Variants in TRAPPC8 observed in about 807,000 individuals in gnomAD.
TRAPPC8 encodes trafficking protein particle complex subunit 8.
In TRAPPC8, 54 loss-of-function variants were observed where a neutral mutation model predicts 174.3. The ratio of observed to expected loss-of-function variants is 0.31; its 90% CI spans 0.25 to 0.39. TRAPPC8 has a LOEUF of 0.39. Ranked by LOEUF, TRAPPC8 falls within the 10% of genes least tolerant of loss-of-function variation. The pLI, the probability that TRAPPC8 is intolerant of heterozygous loss-of-function variation, is 1.00. For missense variants in TRAPPC8, 1,531 were observed against 1,699.1 expected, an observed-to-expected ratio of 0.90 and a Z score of 1.74; for synonymous variants, 630 against 579.9, an observed-to-expected ratio of 1.09 and a Z score of -1.24.
intron 27 of TRAPPC8, among the ~76,000 whole-genome samples, chr18:31,836,200 C>G (rs1213863404): frequency 6.6e-6 from 1 of 152,172 alleles, no homozygotes. Flanking sequence ...TGAATCAGCC[C>G]AAGCATTGGA....
At chr18:31,915,476 G>A (rs1186548876) in intron 4 of TRAPPC8, among the ~76,000 whole-genome samples, 1 of 129,114 alleles carries the variant, frequency 7.7e-6, no homozygotes, top group Non-Finnish European at 1.7e-5. Context: ...AAAAGGGGGG[G>A]GGGGCGCAGG....
At chr18:31,937,228 A>T (rs1214038989) in intron 1 of TRAPPC8, among the ~76,000 whole-genome samples, 1 of 152,158 alleles carries the variant, frequency 6.6e-6, no homozygotes, top group Non-Finnish European at 1.5e-5. Flanking sequence ...ATAAAAATAA[A>T]GGAAAAGGAA....
intron 2 of TRAPPC8, among the ~76,000 whole-genome samples, chr18:31,930,864 A>G (rs1352607290): frequency 2.6e-5 from 4 of 152,178 alleles, no homozygotes; most frequent in African/African-American, 9.7e-5. Context: ...CCCTATCTCT[A>G]TAAAAATTTA....
At chr18:31,867,791 A>G (rs2034659174) in intron 16 of TRAPPC8, among the ~76,000 whole-genome samples, 1 of 152,122 alleles carries the variant, frequency 6.6e-6, no homozygotes, top group Non-Finnish European at 1.5e-5. Flanking sequence ...AGGCAGGAGA[A>G]CCGCTTGAAC....
chr18:31,910,685 G>GT (rs1045363116), intron 5 of TRAPPC8, among the ~76,000 whole-genome samples: 1 of 152,164 alleles, frequency 6.6e-6, no homozygotes, highest in Non-Finnish European at 1.5e-5. Context: ...GCAGTCATTC[G>GT]TAAGTTTAAA....
intron 19 of TRAPPC8, among the ~76,000 whole-genome samples, chr18:31,863,025 C>T (rs537510232): frequency 2.8e-5 from 4 of 141,126 alleles, no homozygotes; most frequent in African/African-American, 1.1e-4. Context: ...GCACTTCAGC[C>T]TGGGTGACAG....
chr18:31,925,563 G>C (rs1019072914), intron 2 of TRAPPC8, among the ~76,000 whole-genome samples: 1 of 152,156 alleles, frequency 6.6e-6, no homozygotes, highest in African/African-American at 2.4e-5. Context: ...AGAAAGAACA[G>C]AGAGAACAAT....
At position 31,907,485 on chromosome 18, in the gene TRAPPC8, G is replaced by A. The variant is rs1460794988; in HGVS notation, c.1364C>T (p.Ala455Val). ...CAAGGCACCAGCTGCATAAAGCATTGCTTGATCATTAAGAAAATCTTTCTT... is the reference window on the plus strand; with the variant it reads ...CAAGGCACCAGCTGCATAAAGCATTACTTGATCATTAAGAAAATCTTTCTT... ...TAKKDFLNDQAMLYAAGALEM... is the reference protein window; with the variant it reads ...TAKKDFLNDQVMLYAAGALEM... The change falls in exon 9 of 29, where the codon GCA becomes GTA. Residue 455 changes from alanine to valine, a missense_variant. Transcript: ENST00000283351. 1.9e-6 allele frequency: 3 copies of A among 1,603,102 alleles called. No individual in the cohort carries two copies. Among genetic ancestry groups the A allele is most frequent in the Non-Finnish European group, 2.6e-6 (3 of 1,173,394 alleles).
intron 2 of TRAPPC8, among the ~76,000 whole-genome samples, chr18:31,922,357 C>T (rs948314653): frequency 1.3e-5 from 2 of 152,102 alleles, no homozygotes; most frequent in Non-Finnish European, 2.9e-5. Context: ...CTTTGGGAGG[C>T]TGAGGTGGAG....
intron 13 of TRAPPC8, chr18:31,873,775 T>G (rs983601721): frequency 8.2e-6 from 3 of 366,796 alleles, no homozygotes; most frequent in Non-Finnish European, 1.5e-5. Flanking sequence ...TACCTGGATG[T>G]TAAATATGCA....
rs59323781 is a variant in TRAPPC8 at position 31,934,949 on chromosome 18, C to CATAAATAAATAAATAA, written c.158-3442_158-3427dup. Among the ~76,000 whole-genome samples, 654 of 140,368 alleles carry CATAAATAAATAAATAA rather than the reference C, an allele frequency of 4.7e-3. 4 individuals are homozygous for CATAAATAAATAAATAA. Among genetic ancestry groups the CATAAATAAATAAATAA allele is most frequent in the Admixed American group, 8.3e-3 (114 of 13,696 alleles). The allele number at this position is 140,368 out of a possible 152,430, so 92.1% of individuals were successfully genotyped here. Reference sequence around the variant, plus strand: ...TGGGCAACAGAGAGAGGCTCCGTCTCATAAATAAATAAATAAATAAATAAA... The same window carrying CATAAATAAATAAATAA: ...TGGGCAACAGAGAGAGGCTCCGTCTCATAAATAAATAAATAAATAAATAAATAAATAAATAAATAAA... On this transcript the variant is annotated intron_variant, in intron 1 of 28. Transcript: ENST00000283351.
intron 9 of TRAPPC8, among the ~76,000 whole-genome samples, chr18:31,904,919 A>G (rs1238692126): frequency 6.6e-6 from 1 of 151,780 alleles, no homozygotes; most frequent in African/African-American, 2.4e-5. Context: ...AATCCCAGCT[A>G]CTTGGGAGGC....
At chr18:31,898,050 T>G (rs1253065881) in intron 10 of TRAPPC8, among the ~76,000 whole-genome samples, 159 bp from the exon 11 acceptor site, 2 of 152,182 alleles carry the variant, frequency 1.3e-5, no homozygotes, top group African/African-American at 2.4e-5. Context: ...GTTTGTCAAG[T>G]TCCTTATATA....
intron 1 of TRAPPC8, among the ~76,000 whole-genome samples, chr18:31,938,874 G>C (rs1405206805): frequency 6.6e-6 from 1 of 152,132 alleles, no homozygotes; most frequent in Non-Finnish European, 1.5e-5. Context: ...GAGGTCAAGA[G>C]ATAGAGACAA....
intron 12 of TRAPPC8, among the ~76,000 whole-genome samples, chr18:31,878,556 C>A (rs993903741): frequency 2.0e-5 from 3 of 152,078 alleles, no homozygotes; most frequent in African/African-American, 7.2e-5. Flanking sequence ...TAAAGATACA[C>A]GTAAGTACAA....
In TRAPPC8 at chr18:31,864,699, C is replaced by A. The variant is rs777887285; in HGVS notation, c.2673G>T (p.Glu891Asp). The change falls in exon 19 of 29, where the codon GAG (glutamate) becomes GAT (aspartate). Residue 891 changes from glutamate to aspartate, a missense_variant. Glu to Asp is a conservative substitution (Grantham distance 45). Coordinates refer to ENST00000283351, the MANE Select transcript of TRAPPC8 (RefSeq NM_014939.5). ...QGPRLNNTKE[E>D]KTSVKYGPDR... Reference sequence around the variant, plus strand: ...CAGGGCCATATTTAACAGATGTTTTCTCTTCTTTTGTGTTGTTAAGTCGAG... The same window carrying A: ...CAGGGCCATATTTAACAGATGTTTTATCTTCTTTTGTGTTGTTAAGTCGAG... 8.7e-6 allele frequency: 14 copies of A among 1,612,920 alleles called. No homozygotes were observed. In the East Asian group the frequency reaches 2.2e-4, roughly 26 times the overall value.
chr18:31,899,849 G>A (rs1376640715), intron 10 of TRAPPC8, among the ~76,000 whole-genome samples: 1 of 152,126 alleles, frequency 6.6e-6, no homozygotes, highest in South Asian at 2.1e-4. Flanking sequence ...GGGAGGCCGA[G>A]ACAGGAGAAT....
intron 12 of TRAPPC8, among the ~76,000 whole-genome samples, chr18:31,881,753 G>A (rs1367349917): frequency 1.3e-5 from 2 of 151,630 alleles, no homozygotes; most frequent in African/African-American, 2.4e-5. Context: ...TCCGACAAAG[G>A]ACTAATATCC....
intron 25 of TRAPPC8, among the ~76,000 whole-genome samples, chr18:31,849,063 T>C (rs1232172341): frequency 4.6e-5 from 7 of 152,060 alleles, no homozygotes; most frequent in Admixed American, 4.6e-4. Context: ...ACTGTGCAGT[T>C]ATATTAAACA....
Sources: gnomAD v4.1 joint callset for allele counts (sites outside exome capture counted in the v4.1 genomes callset) on GRCh38, gnomAD v4.1.1 for gene constraint, MANE v1.5 for transcripts, NCBI Gene and HGNC (gene_info 2026-07-23, HGNC 2026-07-21) for gene names.